Variants in SVOP observed in about 807,000 individuals in gnomAD.
SVOP encodes the protein SV2 related protein.
A neutral mutation model predicts 69.1 loss-of-function variants in SVOP; 17 were observed. That is an observed-to-expected ratio of 0.25 (90% CI 0.17 to 0.37). The LOEUF (loss-of-function observed/expected upper bound fraction) is 0.37. Among genes scored for constraint, SVOP ranks in the 10% least tolerant of loss-of-function variants. The probability of loss-of-function intolerance (pLI) is 1.00; values close to 1 mark genes in which losing one functional copy is unlikely to be tolerated. For synonymous variants in SVOP, 238 were observed against 238.6 expected, an observed-to-expected ratio of 1.00 and a Z score of 0.02; for missense variants, 435 against 597.5, an observed-to-expected ratio of 0.73 and a Z score of 2.84.
chr12:108,954,476 TA>T lies in SVOP; in HGVS notation c.578+6446del, dbSNP rs1419914444. Among the ~76,000 whole-genome samples the T allele has an allele frequency of 3.3e-5, 5 of 152,250 alleles. No individual in the cohort carries two copies. In the East Asian group the frequency reaches 7.7e-4, roughly 23 times the overall value. On this transcript the variant is annotated intron_variant, in intron 6 of 15. Coordinates refer to ENST00000610966, the MANE Select transcript of SVOP (RefSeq NM_018711.5). ...GGGGACCCTTAAGATAAGCATGAGATAAGGGGGAAAGGCCCTCCTAGCTCCT... is the reference window on the plus strand; with the variant it reads ...GGGGACCCTTAAGATAAGCATGAGATAGGGGGAAAGGCCCTCCTAGCTCCT...
chr12:109,001,349 G>A (rs1312171931), intron 1 of SVOP, among the ~76,000 whole-genome samples: 36 of 150,182 alleles, frequency 2.4e-4, no homozygotes, highest in African/African-American at 2.2e-4. Flanking sequence ...CTCATGGGTA[G>A]GAAGAATCAA....
intron 15 of SVOP, among the ~76,000 whole-genome samples, chr12:108,913,622 C>T (rs1197143728): frequency 6.6e-6 from 1 of 152,168 alleles, no homozygotes. Flanking sequence ...GCTTTTGGCA[C>T]ATGGCAAACA....
At chr12:108,962,988 A>G (rs1029742348) in intron 5 of SVOP, among the ~76,000 whole-genome samples, 3 of 152,120 alleles carry the variant, frequency 2.0e-5, no homozygotes, top group African/African-American at 7.2e-5. Context: ...ACAAAACAAA[A>G]AAGACAAACA....
intron 1 of SVOP, among the ~76,000 whole-genome samples, chr12:108,986,358 G>A (rs1297679703): frequency 6.6e-6 from 1 of 152,156 alleles, no homozygotes; most frequent in Non-Finnish European, 1.5e-5. Flanking sequence ...TGGCCAATGA[G>A]AGGGTAACAC....
At chr12:108,941,904 A>T (rs1455599979) in intron 7 of SVOP, among the ~76,000 whole-genome samples, 2 of 150,904 alleles carry the variant, frequency 1.3e-5, no homozygotes, top group South Asian at 2.1e-4. Flanking sequence ...ACCTCATGGG[A>T]TCCACCCCCC....
In SVOP at chr12:108,999,145, A is replaced by T. The variant is rs1380620720; in HGVS notation, c.36-15384T>A. Among the ~76,000 whole-genome samples, 3 of 120,814 alleles carry T rather than the reference A, an allele frequency of 2.5e-5. No individual in the cohort carries two copies. In the Admixed American group the frequency reaches 2.6e-4, roughly 11 times the overall value. 79.3% of individuals were successfully genotyped at this position (120,814 alleles called of 152,430 possible). A position where few individuals can be genotyped will look rare whatever the true frequency, so the allele number is the denominator to read the frequency against. On this transcript the variant is annotated intron_variant, in intron 1 of 15. Transcript: ENST00000610966. ...TACCAAGCAAATGGAAAACAAAAAA[A>T]GGCAGGGGTTGCAATCCTAGTCTCT...
chr12:109,002,890 A>G (rs2040281190), intron 1 of SVOP, among the ~76,000 whole-genome samples: 1 of 151,788 alleles, frequency 6.6e-6, no homozygotes, highest in African/African-American at 2.4e-5. Context: ...ATGCACCAGC[A>G]TGGCACATGT....
At chr12:108,953,381 C>T (rs1009019003) in intron 6 of SVOP, among the ~76,000 whole-genome samples, 3 of 149,890 alleles carry the variant, frequency 2.0e-5, no homozygotes, top group Non-Finnish European at 4.5e-5. Context: ...CTCCCGACCT[C>T]GGGTGATCTG....
At chr12:108,990,896 C>T (rs564624209) in intron 1 of SVOP, among the ~76,000 whole-genome samples, 2 of 152,262 alleles carry the variant, frequency 1.3e-5, no homozygotes, top group Non-Finnish European at 2.9e-5. Flanking sequence ...GACCTGGGGC[C>T]AAACCTTTAC....
At chr12:108,924,610 C>T (rs191804988) in intron 11 of SVOP, among the ~76,000 whole-genome samples, 1 of 152,128 alleles carries the variant, frequency 6.6e-6, no homozygotes, top group Non-Finnish European at 1.5e-5. Context: ...CCCACCACCC[C>T]CAAACATGGA....
intron 5 of SVOP, among the ~76,000 whole-genome samples, chr12:108,961,353 G>C (rs1460340648): frequency 6.6e-6 from 1 of 151,150 alleles, no homozygotes; most frequent in African/African-American, 2.4e-5. Context: ...TGTTCTGCCC[G>C]ACCATCATGC....
intron 2 of SVOP, among the ~76,000 whole-genome samples, chr12:108,980,926 A>G (rs1186934267): frequency 6.6e-6 from 1 of 152,196 alleles, no homozygotes; most frequent in African/African-American, 2.4e-5. Context: ...TTCCATCTGA[A>G]AAAAATAAAA....
chr12:109,010,273 G>A (rs1333694954), intron 1 of SVOP, among the ~76,000 whole-genome samples: 1 of 152,020 alleles, frequency 6.6e-6, no homozygotes, highest in Non-Finnish European at 1.5e-5. Flanking sequence ...CCTCAAAAGT[G>A]ACCCGGGCAC....
At chr12:108,948,177 C>T (rs988571139) in intron 6 of SVOP, among the ~76,000 whole-genome samples, 3 of 152,166 alleles carry the variant, frequency 2.0e-5, no homozygotes, top group Non-Finnish European at 4.4e-5. Flanking sequence ...TCCCTGTGTG[C>T]TCAGGTGAGT....
rs1392609238 is a variant in SVOP, at chr12:109,020,816, C to T, written c.35+18G>A. 4.3e-5 allele frequency: 22 copies of T among 517,030 alleles called. No individual in the cohort carries two copies. Among genetic ancestry groups the T allele is most frequent in the Non-Finnish European group, 6.9e-5 (18 of 262,060 alleles). The allele number at this position is 517,030 out of a possible 1,614,324, so 32.0% of individuals were successfully genotyped here. ...AAAGAAAGCCTGTCTGCCTCTTGCT[C>T]GCCCCCATGATACTCACGGCAGCTG... On this transcript the variant is annotated intron_variant, in intron 1 of 15. Transcript: ENST00000610966.
At chr12:108,969,191 G>T (rs967339368) in intron 5 of SVOP, among the ~76,000 whole-genome samples, 4 of 152,066 alleles carry the variant, frequency 2.6e-5, no homozygotes, top group Admixed American at 2.6e-4. Flanking sequence ...AAACAAAAAT[G>T]ACTCTGTTTT....
chr12:108,997,729 A>C (rs1444268902), intron 1 of SVOP, among the ~76,000 whole-genome samples: 1 of 151,462 alleles, frequency 6.6e-6, no homozygotes, highest in Non-Finnish European at 1.5e-5. Context: ...AGGGTATTCC[A>C]ACAGACCTGC....
At chr12:108,948,043 G>A (rs1216258111) in intron 6 of SVOP, among the ~76,000 whole-genome samples, 1 of 152,072 alleles carries the variant, frequency 6.6e-6, no homozygotes, top group African/African-American at 2.4e-5. Context: ...GAGGTACCTA[G>A]GAGTTATGCC....
rs192292420 is a variant in SVOP, at chr12:108,950,271, G to A, written c.579-5105C>T. On this transcript the variant is annotated intron_variant, in intron 6 of 15. Coordinates refer to ENST00000610966, the MANE Select transcript of SVOP (RefSeq NM_018711.5). ...TTTTTTTTTTTTTTGTAGACATGGA[G>A]TCTCACTATTTTGTCCAGGCTGGTC... 1.7e-3 allele frequency among the ~76,000 whole-genome samples: 254 copies of A among 150,174 alleles called. 5 individuals carry two copies. Among genetic ancestry groups the A allele is most frequent in the African/African-American group, 6.1e-3 (247 of 40,672 alleles).
Sources: gnomAD v4.1 joint callset for allele counts (sites outside exome capture counted in the v4.1 genomes callset) on GRCh38, gnomAD v4.1.1 for gene constraint, MANE v1.5 for transcripts, NCBI Gene and HGNC (gene_info 2026-07-23, HGNC 2026-07-21) for gene names.